AFF2: variants seen among roughly 807,000 people sequenced by gnomAD.
AFF2 encodes the protein ALF transcription elongation factor 2, also known as AF4/FMR2 family member 2.
Under a neutral mutation model 76.9 loss-of-function variants are expected in AFF2, and 14 were observed. The ratio of observed to expected loss-of-function variants is 0.18; its 90% CI spans 0.12 to 0.28. AFF2 has a LOEUF of 0.28. Ranked by LOEUF, AFF2 falls within the 10% of genes least tolerant of loss-of-function variation. The pLI, the probability that AFF2 is intolerant of heterozygous loss-of-function variation, is 1.00. For missense variants in AFF2, 868 were observed against 1,001.1 expected, an observed-to-expected ratio of 0.87 and a Z score of 1.79; for synonymous variants, 398 against 366.7, an observed-to-expected ratio of 1.09 and a Z score of -0.98.
intron 14 of AFF2, 148 bp downstream of exon 14, chrX:148,967,227 A>C (rs2124387327): frequency 1.2e-6 from 1 of 834,163 alleles, no homozygotes; most frequent in East Asian, 3.4e-5. Context: ...CACCCCCTGC[A>C]TACACACTCA....
At chrX:148,938,435 C>G (rs782146653) in intron 9 of AFF2, among the ~76,000 whole-genome samples, 2 of 112,045 alleles carry the variant, frequency 1.8e-5, no homozygotes, top group Non-Finnish European at 1.9e-5. Context: ...TTCTCCATAT[C>G]TTTATAAAGC....
intron 1 of AFF2, among the ~76,000 whole-genome samples, chrX:148,587,373 G>A (rs1025157254): frequency 8.9e-6 from 1 of 112,127 alleles, no homozygotes; most frequent in Non-Finnish European, 1.9e-5. Flanking sequence ...TGATGAAAAA[G>A]CATGCATTTT....
intron 19 of AFF2, among the ~76,000 whole-genome samples, chrX:148,981,983 G>C (rs1557290932): frequency 8.9e-6 from 1 of 111,884 alleles, no homozygotes; most frequent in African/African-American, 3.3e-5. Context: ...ACGAACAAAA[G>C]AGAAAGAGTG....
intron 9 of AFF2, among the ~76,000 whole-genome samples, chrX:148,934,879 T>C (rs782098284): frequency 1.8e-5 from 2 of 111,848 alleles, no homozygotes; most frequent in Non-Finnish European, 3.8e-5. Context: ...TTTTCAATTG[T>C]CATTGAAAGG....
intron 1 of AFF2, among the ~76,000 whole-genome samples, chrX:148,648,554 AC>A (rs1420615087): frequency 1.1e-5 from 1 of 89,249 alleles, no homozygotes; most frequent in Non-Finnish European, 2.1e-5. Context: ...AAGAGGGAAA[AC>A]TCCGTCAAAA....
rs1557292904 is a variant in AFF2, at chrX:148,995,293, A to T, written c.*3961A>T. On this transcript the variant is annotated 3_prime_UTR_variant, in exon 21 of 21. Coordinates refer to ENST00000370460, the MANE Select transcript of AFF2 (RefSeq NM_002025.4). ...CAGCATTTACCCTGGCAGGAGACTA[A>T]TCAGATAGGCCGGTCTCAGACATTA... is the stretch of plus-strand genomic sequence containing the variant. 1 of 111,022 alleles carries T rather than the reference A, an allele frequency of 9.0e-6. No homozygotes were observed. The highest frequency in any genetic ancestry group is 9.6e-5 in the Admixed American group (1 of 10,383). 9.1% of individuals were successfully genotyped at this position (111,022 alleles called of 1,213,427 possible).
intron 1 of AFF2, among the ~76,000 whole-genome samples, chrX:148,563,745 C>A (rs1302116249): frequency 2.7e-5 from 3 of 112,006 alleles, no homozygotes; most frequent in Non-Finnish European, 5.6e-5. Flanking sequence ...CTTTTACTAG[C>A]AGATTCACAC....
intron 1 of AFF2, among the ~76,000 whole-genome samples, chrX:148,527,863 T>A (rs782756714): frequency 1.8e-5 from 2 of 112,056 alleles, no homozygotes; most frequent in African/African-American, 3.2e-5. Flanking sequence ...TAGTACTGGC[T>A]CAGATGAGCC....
At chrX:148,512,702 C>T (rs781875712) in intron 1 of AFF2, among the ~76,000 whole-genome samples, 1 of 112,266 alleles carries the variant, frequency 8.9e-6, no homozygotes, top group Admixed American at 9.4e-5. Flanking sequence ...TGATTTATTT[C>T]ATAGTTTCTC....
At chrX:148,802,553 A>G (rs2070073706) in intron 3 of AFF2, among the ~76,000 whole-genome samples, 1 of 112,250 alleles carries the variant, frequency 8.9e-6, no homozygotes, top group Non-Finnish European at 1.9e-5. Flanking sequence ...GTGAAATACA[A>G]AACACTGGGT....
intron 5 of AFF2, among the ~76,000 whole-genome samples, chrX:148,838,561 T>G (rs782132092): frequency 8.0e-5 from 9 of 111,821 alleles, no homozygotes; most frequent in Non-Finnish European, 1.5e-4. Flanking sequence ...TGATTAAGAC[T>G]CTGACAGGTG....
chrX:148,953,335 G>A (rs1046146840), intron 9 of AFF2, among the ~76,000 whole-genome samples: 1 of 111,875 alleles, frequency 8.9e-6, no homozygotes, highest in Non-Finnish European at 1.9e-5. Context: ...GGCTTTTCTG[G>A]AAGACAAGGC....
At chrX:148,735,098 G>C (rs2055269664) in intron 3 of AFF2, among the ~76,000 whole-genome samples, 1 of 112,038 alleles carries the variant, frequency 8.9e-6, no homozygotes, top group African/African-American at 3.2e-5. Flanking sequence ...ATGCACAAGT[G>C]GCTTGCTTGG....
chrX:148,924,219 T>A (rs1411714303), intron 9 of AFF2, among the ~76,000 whole-genome samples: 1 of 112,371 alleles, frequency 8.9e-6, no homozygotes, highest in Non-Finnish European at 1.9e-5. Context: ...TTTTACTATA[T>A]GGACTTTGAT....
At chrX:148,908,927 T>C (rs1428511325) in intron 9 of AFF2, among the ~76,000 whole-genome samples, 1 of 112,335 alleles carries the variant, frequency 8.9e-6, no homozygotes, top group African/African-American at 3.2e-5. Context: ...GTTGAGTAGT[T>C]GTGACATAAA....
intron 2 of AFF2, among the ~76,000 whole-genome samples, chrX:148,660,405 T>C (rs1451679229): frequency 1.8e-5 from 2 of 111,575 alleles, no homozygotes; most frequent in African/African-American, 6.5e-5. Flanking sequence ...CCCAGACGAC[T>C]TCACCCATTT....
intron 4 of AFF2, among the ~76,000 whole-genome samples, chrX:148,815,616 A>G (rs375399684): frequency 1.8e-5 from 2 of 111,301 alleles, no homozygotes. Flanking sequence ...CAGTTTAAAT[A>G]TTTTTATATG....
rs16994895 is a variant in AFF2, at chrX:148,967,734, T to G, written c.3267+42T>G. On this transcript the variant is annotated intron_variant, in intron 15 of 20. Transcript: ENST00000370460. ...TCATTGCTTTGTTCCTATTAAGGAT[T>G]TATGTTTCAAAGGAAAACAAAGAAA... 0.061 allele frequency: 70,132 copies of G among 1,145,460 alleles called. 3,361 individuals carry two copies. The highest frequency in any genetic ancestry group is 0.32 in the African/African-American group (17,932 of 55,395). The allele number at this position is 1,145,460 out of a possible 1,213,427, so 94.4% of individuals were successfully genotyped here.
chrX:148,854,030 C>T (rs1277684190), intron 7 of AFF2, among the ~76,000 whole-genome samples: 2 of 111,848 alleles, frequency 1.8e-5, no homozygotes, highest in African/African-American at 6.5e-5. Context: ...TTTTATGCAG[C>T]GCTTTAAAAT....
Sources: allele counts gnomAD v4.1 joint callset (sites outside exome capture counted in the v4.1 genomes callset), GRCh38; gene constraint gnomAD v4.1.1; transcripts MANE v1.5; gene names NCBI Gene and HGNC (gene_info 2026-07-23, HGNC 2026-07-21).